ETNPPL: variants seen among roughly 807,000 people sequenced by gnomAD.
The protein encoded by ETNPPL is ethanolamine-phosphate phospho-lyase.
Under a neutral mutation model 55.5 loss-of-function variants are expected in ETNPPL, and 30 were observed. The ratio of observed to expected loss-of-function variants is 0.54; its 90% CI spans 0.40 to 0.73. The LOEUF is 0.73. Ranked by LOEUF, ETNPPL falls within the 30% of genes least tolerant of loss-of-function variation. The probability of loss-of-function intolerance (pLI) is 0.00; values close to 1 mark genes in which losing one functional copy is unlikely to be tolerated. For synonymous variants in ETNPPL, 202 were observed against 207.2 expected (o/e 0.98, Z 0.21); for missense variants, 528 against 607.9 (o/e 0.87, Z 1.38).
intron 3 of ETNPPL, among the ~76,000 whole-genome samples, chr4:108,756,753 G>C (rs1453196386): frequency 6.6e-6 from 1 of 152,148 alleles, no homozygotes; most frequent in African/African-American, 2.4e-5. Flanking sequence ...TTCAACCTGG[G>C]AGGTGGAGAT....
chr4:108,760,388 G>A, intron 1 of ETNPPL, 82 bp from the exon 2 acceptor site: 2 of 670,968 alleles, frequency 3.0e-6, no homozygotes, highest in Non-Finnish European at 5.1e-6. Flanking sequence ...CCCCATCAGT[G>A]GAAAAGTACA....
chr4:108,748,005 C>T lies in ETNPPL; in HGVS notation c.1082G>A (p.Arg361Lys). The change falls in exon 9 of 13, where the codon AGG (arginine) becomes AAG (lysine). Residue 361 changes from arginine (R) to lysine (K), a missense_variant and splice_region_variant. Arg to Lys is a conservative substitution (Grantham distance 26). Coordinates refer to ENST00000296486, the MANE Select transcript of ETNPPL (RefSeq NM_031279.4). ...CATGACAACTTCATAATGAACATAC[C>T]TAATATCTCCTATCAAAGTGTGTTT... ...KAKHTLIGDI[R>K]GIGLFIGIDL... 1 of 1,604,848 alleles carries T rather than the reference C, an allele frequency of 6.2e-7. No individual in the cohort carries two copies. The highest frequency in any genetic ancestry group is 8.5e-7 in the Non-Finnish European group (1 of 1,176,152).
chr4:108,750,797 T>C, intron 7 of ETNPPL, 139 bp downstream of exon 7: 1 of 650,724 alleles, frequency 1.5e-6, no homozygotes, highest in South Asian at 1.6e-5. Flanking sequence ...CATCCAGGAG[T>C]CCTGGGTTGG....
At chr4:108,753,938 A>G (rs1729071076) in intron 5 of ETNPPL, among the ~76,000 whole-genome samples, 1 of 151,170 alleles carries the variant, frequency 6.6e-6, no homozygotes, top group Non-Finnish European at 1.5e-5. Context: ...ATAATAATTT[A>G]GCATTATTAT....
intron 4 of ETNPPL, 43 bp from the exon 5 acceptor site, chr4:108,754,753 AAG>A (rs1180841294): frequency 2.7e-6 from 3 of 1,120,132 alleles, no homozygotes; most frequent in Non-Finnish European, 4.0e-6. Flanking sequence ...AAATAATTCC[AAG>A]AGAGATATTT....
chr4:108,753,623 T>A (rs540637240), intron 5 of ETNPPL, among the ~76,000 whole-genome samples: 20 of 152,074 alleles, frequency 1.3e-4, no homozygotes, highest in Non-Finnish European at 2.4e-4. Context: ...ATGCCTGTAA[T>A]CCCAGCTGCT....
chr4:108,743,879 G>C, intron 11 of ETNPPL, 23 bp from the exon 12 acceptor site: 2 of 1,527,420 alleles, frequency 1.3e-6, no homozygotes, highest in Non-Finnish European at 1.8e-6. Context: ...AGGTATTATG[G>C]AGAAGACAAA....
chr4:108,753,095 T>A, intron 5 of ETNPPL, 84 bp from the exon 6 acceptor site: 1 of 736,108 alleles, frequency 1.4e-6, no homozygotes, highest in Non-Finnish European at 2.4e-6. Context: ...CAAGAACATG[T>A]TAGAATGGTG....
At chr4:108,753,084 A>T in intron 5 of ETNPPL, 73 bp from the exon 6 acceptor site, 1 of 790,754 alleles carries the variant, frequency 1.3e-6, no homozygotes, top group Non-Finnish European at 2.1e-6. Flanking sequence ...GCATTTCCCC[A>T]CAAGAACATG....
intron 11 of ETNPPL, among the ~76,000 whole-genome samples, chr4:108,744,677 T>G (rs1291243949): frequency 6.6e-6 from 1 of 151,784 alleles, no homozygotes; most frequent in Non-Finnish European, 1.5e-5. Flanking sequence ...GGCTTTATCC[T>G]AACCCCAGAA....
chr4:108,745,915 A>T (rs929176278), intron 11 of ETNPPL, among the ~76,000 whole-genome samples: 15 of 131,198 alleles, frequency 1.1e-4, no homozygotes, highest in Non-Finnish European at 1.7e-4. Flanking sequence ...TGGATGACAG[A>T]GTGAGACTCC....
At chr4:108,762,261 G>C (rs1729539777) in intron 1 of ETNPPL, 2 of 426,244 alleles carry the variant, frequency 4.7e-6, no homozygotes, top group Admixed American at 5.2e-5. Context: ...GCTTGGGAGA[G>C]CAAGTTGGGT....
At chr4:108,752,728 T>C (rs1393878108) in intron 6 of ETNPPL, among the ~76,000 whole-genome samples, 167 bp downstream of exon 6, 3 of 152,246 alleles carry the variant, frequency 2.0e-5, no homozygotes, top group Admixed American at 6.5e-5. Flanking sequence ...CTTAGAGGCA[T>C]GATTGTAATA....
rs1728707234 is a variant in ETNPPL, at chr4:108,748,135, C to T, written c.952G>A (p.Ala318Thr). Residue 318 changes from alanine (A) to threonine (T), a missense_variant, in exon 9 of 13, where the codon GCT (alanine) becomes ACT (threonine). Transcript: ENST00000296486. The part of the protein sequence containing the change: ...NTYGGNPVSC[A>T]VGLAVLDIIE... ...ATATCCAGGACAGCCAAACCAACAGCACAAGATACTGGATTTCCTCCATAC... is the reference window on the plus strand; with the variant it reads ...ATATCCAGGACAGCCAAACCAACAGTACAAGATACTGGATTTCCTCCATAC... 2.9e-5 allele frequency: 47 copies of T among 1,597,472 alleles called. No individual in the cohort carries two copies. The highest frequency in any genetic ancestry group is 3.9e-5 in the Non-Finnish European group (46 of 1,175,358).
In ETNPPL at chr4:108,742,462, C is replaced by A; in HGVS notation, c.*22G>T. On this transcript the variant is annotated 3_prime_UTR_variant, in exon 13 of 13. Transcript: ENST00000296486. ...TTCTCTGTAACTCTGGACATCGCATCTTGCTTTAAAATGCAAATCAGTCAT... is the reference window on the plus strand; with the variant it reads ...TTCTCTGTAACTCTGGACATCGCATATTGCTTTAAAATGCAAATCAGTCAT... The A allele has an allele frequency of 6.2e-7, 1 of 1,613,524 alleles. No individual in the cohort carries two copies. The highest frequency in any genetic ancestry group is 8.5e-7 in the Non-Finnish European group (1 of 1,179,528).
chr4:108,762,649 C>T, intron 1 of ETNPPL, 194 bp downstream of exon 1: 3 of 704,078 alleles, frequency 4.3e-6, no homozygotes, highest in Non-Finnish European at 7.7e-6. Flanking sequence ...GCCCAGCGTT[C>T]CGGGTTCCAG....
At position 108,762,986 on chromosome 4, in the gene ETNPPL, G is replaced by C; in HGVS notation, c.-88C>G. On this transcript the variant is annotated 5_prime_UTR_variant, in exon 1 of 13. Coordinates refer to ENST00000296486, the MANE Select transcript of ETNPPL (RefSeq NM_031279.4). ...GCCTGGGACTGCCTTGGCGGCCCCG[G>C]CCGGCCTTCCTCCCGTTATCCCTCC... 1 of 1,352,196 alleles carries C rather than the reference G, an allele frequency of 7.4e-7. No homozygotes were observed. Among genetic ancestry groups the C allele is most frequent in the South Asian group, 1.2e-5 (1 of 83,628 alleles). The allele number at this position is 1,352,196 out of a possible 1,614,324, so 83.8% of individuals were successfully genotyped here. A position where few individuals can be genotyped will look rare whatever the true frequency, so the allele number is the denominator to read the frequency against.
chr4:108,758,674 G>T (rs1729347330), intron 3 of ETNPPL, among the ~76,000 whole-genome samples: 1 of 152,214 alleles, frequency 6.6e-6, no homozygotes, highest in Non-Finnish European at 1.5e-5. Context: ...TGTGGGTGTT[G>T]GTGCTGGCCC....
intron 11 of ETNPPL, among the ~76,000 whole-genome samples, chr4:108,745,767 C>T (rs1449330087): frequency 2.0e-5 from 3 of 151,706 alleles, no homozygotes; most frequent in Non-Finnish European, 4.4e-5. Flanking sequence ...CCCATCTCTA[C>T]TAAAAATGCA....
Sources: allele counts gnomAD v4.1 joint callset (sites outside exome capture counted in the v4.1 genomes callset), GRCh38; gene constraint gnomAD v4.1.1; transcripts MANE v1.5; gene names NCBI Gene and HGNC (gene_info 2026-07-23, HGNC 2026-07-21).